ABCC6: variants seen among roughly 807,000 people sequenced by gnomAD.
ABCC6 encodes ATP-binding cassette sub-family C member 6.
In ABCC6, 126 loss-of-function variants were observed where a neutral mutation model predicts 169.5. The observed-to-expected ratio is 0.74, with a 90% CI of 0.64 to 0.86. ABCC6 has a LOEUF of 0.86. Among genes scored for constraint, ABCC6 ranks in the 40% least tolerant of loss-of-function variants. The pLI, the probability that ABCC6 is intolerant of heterozygous loss-of-function variation, is 0.00. For synonymous variants in ABCC6, 752 were observed against 814.7 expected (o/e 0.92, Z 1.31); for missense variants, 1,733 against 1,927.2 (o/e 0.90, Z 1.89).
Position 16,198,103 on chromosome 16 carries a change from C to G in ABCC6, c.1256G>C (p.Arg419Pro), listed in dbSNP as rs772434460. Reference sequence around the variant, plus strand: ...GAGGTAGAGGACGCTCTCGGTCAGCCGCTGCACGTCCACGGACACCAGATT... The same window carrying G: ...GAGGTAGAGGACGCTCTCGGTCAGCGGCTGCACGTCCACGGACACCAGATT... ...VVNLVSVDVQRLTESVLYLNG... is the reference protein window; with the variant it reads ...VVNLVSVDVQPLTESVLYLNG... Residue 419 changes from arginine to proline, a missense_variant, in exon 10 of 31, where the codon CGG becomes CCG. Transcript: ENST00000205557. The G allele has an allele frequency of 6.2e-7, 1 of 1,613,480 alleles. No homozygotes were observed. The highest frequency in any genetic ancestry group is 1.7e-5 in the Admixed American group (1 of 59,958).
chr16:16,213,476 CT>C (rs1449335041), intron 5 of ABCC6, among the ~76,000 whole-genome samples: 1 of 151,786 alleles, frequency 6.6e-6, no homozygotes, highest in Non-Finnish European at 1.5e-5. Flanking sequence ...GACTGCTTCA[CT>C]GTTACCTATT....
intron 20 of ABCC6, among the ~76,000 whole-genome samples, chr16:16,173,696 C>CTTTCTT (rs1555511385): frequency 2.2e-4 from 31 of 139,226 alleles, no homozygotes; most frequent in African/African-American, 7.1e-4. Flanking sequence ...TCAGAATTTT[C>CTTTCTT]TTTTTTTTTT....
At chr16:16,151,277 GTTTGA>G (rs1160285425) in intron 29 of ABCC6, among the ~76,000 whole-genome samples, 22 of 152,078 alleles carry the variant, frequency 1.4e-4, no homozygotes, top group Non-Finnish European at 2.8e-4. Context: ...GGTCCGACTT[GTTTGA>G]AACTCTCAGG....
chr16:16,185,083 C>G (rs2047605687), intron 14 of ABCC6, 49 bp from the exon 15 acceptor site: 2 of 1,571,818 alleles, frequency 1.3e-6, no homozygotes, highest in East Asian at 2.2e-5. Context: ...CCTGGCCGGC[C>G]TCTGCATCGG....
intron 10 of ABCC6, among the ~76,000 whole-genome samples, chr16:16,195,008 A>G (rs1215154590): frequency 1.3e-5 from 2 of 152,018 alleles, no homozygotes; most frequent in Admixed American, 1.3e-4. Flanking sequence ...ACATTGGGCC[A>G]GTTTGTTTCA....
chr16:16,170,940 AAGAAAGAAAGAAAG>A (rs1381392546), intron 21 of ABCC6, among the ~76,000 whole-genome samples: 5 of 86,090 alleles, frequency 5.8e-5, no homozygotes, highest in African/African-American at 8.7e-5. Flanking sequence ...AAAAAAAAAA[AAGAAAGAAAGAAAG>A]AAAGAAAGAA....
At chr16:16,195,133 T>C (rs1438328398) in intron 10 of ABCC6, among the ~76,000 whole-genome samples, 1 of 151,928 alleles carries the variant, frequency 6.6e-6, no homozygotes, top group East Asian at 1.9e-4. Context: ...AAGATGAACA[T>C]CTCTGTCTGG....
chr16:16,197,671 T>G (rs1596701780), intron 10 of ABCC6, among the ~76,000 whole-genome samples: 1 of 62,604 alleles, frequency 1.6e-5, no homozygotes, highest in Non-Finnish European at 2.9e-5. Flanking sequence ...GGGCAGAAGG[T>G]GGGAGAGATG....
chr16:16,198,126 A>G lies in ABCC6; in HGVS notation c.1233T>C (p.Asn411=), dbSNP rs9930886. 0.34 allele frequency: 542,968 copies of G among 1,610,564 alleles called. 93,803 individuals are homozygous for G. Among genetic ancestry groups the G allele is most frequent in the Non-Finnish European group, 0.36 (424,606 of 1,178,276 alleles). Residue 411 remains asparagine, a synonymous_variant, in exon 10 of 31, where the codon AAT becomes AAC. Coordinates refer to ENST00000205557, the MANE Select transcript of ABCC6 (RefSeq NM_001171.6). ...GCCGCTGCACGTCCACGGACACCAG[A>G]TTGACCACATCACCCACCGCACTGG... ...RKASAVGDVV[N]LVSVDVQRLT... is the part of the protein sequence containing the mutation.
chr16:16,172,078 A>T (rs113618350), intron 21 of ABCC6, among the ~76,000 whole-genome samples: 3 of 26,554 alleles, frequency 1.1e-4, no homozygotes, highest in Non-Finnish European at 1.9e-4. Flanking sequence ...GGTGGGATGG[A>T]TAAATGAGTG....
chr16:16,172,077 G>C (rs1256813450), intron 21 of ABCC6, among the ~76,000 whole-genome samples: 26 of 146,360 alleles, frequency 1.8e-4, no homozygotes, highest in African/African-American at 4.3e-4. Context: ...GGGTGGGATG[G>C]ATAAATGAGT....
intron 18 of ABCC6, 72 bp from the exon 19 acceptor site, chr16:16,177,698 T>TG: frequency 1.9e-6 from 3 of 1,569,440 alleles, no homozygotes; most frequent in African/African-American, 1.3e-5. Flanking sequence ...ATCCCAACAC[T>TG]TTGGGAAGCC....
rs563641079 is a variant in ABCC6 at position 16,177,489 on chromosome 16, C to T, written c.2553G>A (p.Leu851=). 5.0e-6 allele frequency: 8 copies of T among 1,614,160 alleles called. No individual in the cohort carries two copies. In the East Asian group the frequency reaches 1.3e-4, roughly 27 times the overall value. Reference sequence around the variant, plus strand: ...TATCTCCTGGCTGTCTGGCTTGATCCAGAAGACACATGAGGGCCCCCTTCC... The same window carrying T: ...TATCTCCTGGCTGTCTGGCTTGATCTAGAAGACACATGAGGGCCCCCTTCC... ...LQRKGALMCL[L]DQARQPGDRG... The change falls in exon 19 of 31, where the codon CTG becomes CTA. Residue 851 remains leucine, a synonymous_variant. Transcript: ENST00000205557.
At chr16:16,181,641 G>A (rs73524033) in intron 17 of ABCC6, 3,783 of 153,450 alleles carry the variant, frequency 0.025, 80 homozygotes, top group African/African-American at 0.054. Flanking sequence ...ATGGATACCA[G>A]AGCCAGGTCA....
chr16:16,188,946 G>A lies in ABCC6; in HGVS notation c.1664C>T (p.Thr555Ile). Residue 555 changes from threonine (T) to isoleucine (I), a missense_variant, in exon 13 of 31, where the codon ACT becomes ATT. Thr to Ile is a moderately conservative substitution (Grantham distance 89). This residue lies in a region of ABCC6 where 1,601 missense variants were observed against 1,635.5 expected (regional missense o/e 0.98). Transcript: ENST00000205557. ...ATTCATAGCATTCTCGGCCACCAGAGTGTGGACAGCAAACACCACCAGTGC... is the reference window on the plus strand; with the variant it reads ...ATTCATAGCATTCTCGGCCACCAGAATGTGGACAGCAAACACCACCAGTGC... ...LVALVVFAVH[T>I]LVAENAMNAE... The A allele has an allele frequency of 6.2e-7, 1 of 1,614,120 alleles. No individual in the cohort carries two copies. Among genetic ancestry groups the A allele is most frequent in the Non-Finnish European group, 8.5e-7 (1 of 1,180,034 alleles).
chr16:16,222,526 A>T (rs2049108378), intron 1 of ABCC6, among the ~76,000 whole-genome samples: 1 of 152,064 alleles, frequency 6.6e-6, no homozygotes, highest in Admixed American at 6.6e-5. Flanking sequence ...TACAGGCATA[A>T]GCAGCCTCAC....
chr16:16,217,310 TG>T (rs1225153303), intron 4 of ABCC6, among the ~76,000 whole-genome samples: 1 of 152,192 alleles, frequency 6.6e-6, no homozygotes, highest in Non-Finnish European at 1.5e-5. Flanking sequence ...GTTCTGAATT[TG>T]CCTGAGATGA....
At chr16:16,195,496 A>G (rs140739671) in intron 10 of ABCC6, among the ~76,000 whole-genome samples, 1,872 of 151,888 alleles carry the variant, frequency 0.012, 54 homozygotes, top group African/African-American at 0.043. Flanking sequence ...TATTTTCAGT[A>G]GAGACAGGGT....
At position 16,154,873 on chromosome 16, in the gene ABCC6, C is replaced by G. The variant is rs63751111; in HGVS notation, c.4041G>C (p.Gln1347His). Reference protein sequence around the residue: ...TLRSRISIIPQDPILFPGSLR... With the variant: ...TLRSRISIIPHDPILFPGSLR... Reference sequence around the variant, plus strand: ...TGCCCACCCCCTCCACCAGCCTCACCTGGGGGATGATGCTGATCCTGGAGC... The same window carrying G: ...TGCCCACCCCCTCCACCAGCCTCACGTGGGGGATGATGCTGATCCTGGAGC... Residue 1347 changes from glutamine to histidine, a missense_variant and splice_region_variant, in exon 28 of 31, where the codon CAG becomes CAC. Gln to His is a conservative substitution (Grantham distance 24, BLOSUM62 0). Around this residue, in one of 5 missense-constraint regions of ABCC6, gnomAD observed 1,601 missense variants for 1,635.5 expected, o/e 0.98. Transcript: ENST00000205557. The G allele has an allele frequency of 6.2e-7, 1 of 1,612,778 alleles. No homozygotes were observed. Among genetic ancestry groups the G allele is most frequent in the Non-Finnish European group, 8.5e-7 (1 of 1,179,512 alleles).
Sources: gnomAD v4.1 joint callset for allele counts (sites outside exome capture counted in the v4.1 genomes callset) on GRCh38, gnomAD v4.1.1 for gene constraint, gnomAD v4.1.1 regional missense constraint, MANE v1.5 for transcripts, NCBI Gene and HGNC (gene_info 2026-07-23, HGNC 2026-07-21) for gene names.